The following ADGRL3 variants were observed in gnomAD, a reference collection of about 807,000 sequenced individuals.
ADGRL3 encodes the protein calcium-independent alpha-latrotoxin receptor 3.
In ADGRL3, 62 loss-of-function variants were observed where a neutral mutation model predicts 153.5. The ratio of observed to expected loss-of-function variants is 0.40; its 90% CI spans 0.33 to 0.50. The LOEUF (loss-of-function observed/expected upper bound fraction) is 0.50, where lower values mean the gene tolerates loss of function less well. ADGRL3 is among the 20% of genes least tolerant of loss of function. ADGRL3 has a pLI of 0.47. For synonymous variants in ADGRL3, 710 were observed against 672.5 expected (o/e 1.06, Z -0.86); for missense variants, 1,641 against 1,859.4 (o/e 0.88, Z 2.16).
intron 2 of ADGRL3, among the ~76,000 whole-genome samples, chr4:61,402,578 G>T (rs952142936): frequency 6.6e-6 from 1 of 152,072 alleles, no homozygotes; most frequent in Non-Finnish European, 1.5e-5. Flanking sequence ...CACTTATAGT[G>T]TGGAATAATA....
intron 3 of ADGRL3, among the ~76,000 whole-genome samples, chr4:61,504,670 C>T (rs1391573419): frequency 2.6e-5 from 4 of 152,144 alleles, no homozygotes; most frequent in African/African-American, 7.2e-5. Context: ...CACTAATCTT[C>T]CCATCCTCTG....
At chr4:61,867,505 A>T (rs796704156) in intron 9 of ADGRL3, among the ~76,000 whole-genome samples, 1 of 35,716 alleles carries the variant, frequency 2.8e-5, no homozygotes, top group African/African-American at 7.7e-5. Flanking sequence ...GTCTCAAAAA[A>T]ATATATATGC....
intron 2 of ADGRL3, chr4:61,425,412 C>T (rs1006154855): frequency 6.6e-6 from 1 of 152,426 alleles, no homozygotes; most frequent in Non-Finnish European, 1.5e-5. Flanking sequence ...CCGTCCATAG[C>T]TGCTGCTGGA....
At chr4:61,634,067 G>C (rs1037153247) in intron 5 of ADGRL3, among the ~76,000 whole-genome samples, 1 of 152,106 alleles carries the variant, frequency 6.6e-6, no homozygotes, top group Non-Finnish European at 1.5e-5. Flanking sequence ...GCAATTTTGA[G>C]TTTTAAAGTA....
chr4:61,436,734 T>G lies in ADGRL3; in HGVS notation c.-174+53545T>G, dbSNP rs1334976868. ...AAAATACAAAGGTAGAGCAGTCTCC[T>G]TGTAAATGTTGAGGCCAATTTCCTG... On this transcript the variant is annotated intron_variant, in intron 2 of 26. Transcript: ENST00000683033. Among the ~76,000 whole-genome samples the G allele has an allele frequency of 2.0e-5, 3 of 152,160 alleles. No homozygotes were observed. In the East Asian group the frequency reaches 5.8e-4, roughly 29 times the overall value.
chr4:61,979,452 G>C, intron 17 of ADGRL3, 111 bp from the exon 18 acceptor site: 1 of 836,108 alleles, frequency 1.2e-6, no homozygotes, highest in Admixed American at 1.8e-5. Context: ...TGTGGGTATA[G>C]AGGGTATTTT....
rs1745549767 is a variant in ADGRL3, at chr4:62,071,164, A to C, written c.*256A>C. 24 of 368,300 alleles carry C rather than the reference A, an allele frequency of 6.5e-5. No homozygotes were observed. The South Asian group carries it at 1.5e-3, about 23-fold the overall frequency. The allele number at this position is 368,300 out of a possible 1,614,324, so 22.8% of individuals were successfully genotyped here. ...TTCAGATGGAGACTTCATTATGTTAATGAACAAGATATGAAGAAAATGGCA... is the reference window on the plus strand; with the variant it reads ...TTCAGATGGAGACTTCATTATGTTACTGAACAAGATATGAAGAAAATGGCA... On this transcript the variant is annotated 3_prime_UTR_variant, in exon 27 of 27. Coordinates refer to ENST00000683033, the MANE Select transcript of ADGRL3 (RefSeq NM_001387552.1).
intron 9 of ADGRL3, among the ~76,000 whole-genome samples, chr4:61,846,948 ATGTGTG>A (rs72301670): frequency 4.1e-5 from 6 of 145,912 alleles, no homozygotes; most frequent in East Asian, 4.1e-4. Flanking sequence ...TTTATATATT[ATGTGTG>A]TGTGTGTGTG....
At chr4:61,325,736 A>G (rs1008243543) in intron 1 of ADGRL3, among the ~76,000 whole-genome samples, 3 of 152,170 alleles carry the variant, frequency 2.0e-5, no homozygotes, top group Non-Finnish European at 4.4e-5. Context: ...GTTACAGAAG[A>G]TATAAAATAA....
rs1734964820 is a variant in ADGRL3 at position 61,202,124 on chromosome 4, GC to G, written c.-240+360del. On this transcript the variant is annotated intron_variant, in intron 1 of 26. Transcript: ENST00000683033. The surrounding 1 kb of genome is among the most constrained non-coding windows in gnomAD (Gnocchi z 5.0). ...TTTTCCCTCTCCTCTCACCCCAGTG[GC>G]ATCCCCTGGTGGGGGCAGAAAGCGG... The G allele has an allele frequency of 1.3e-5, 2 of 152,690 alleles. No individual in the cohort carries two copies. The highest frequency in any genetic ancestry group is 4.8e-5 in the African/African-American group (2 of 41,460). 9.5% of individuals were successfully genotyped at this position (152,690 alleles called of 1,614,324 possible).
chr4:61,660,495 A>G (rs1413908595), intron 5 of ADGRL3, among the ~76,000 whole-genome samples: 2 of 152,066 alleles, frequency 1.3e-5, no homozygotes, highest in Non-Finnish European at 2.9e-5. Flanking sequence ...TTTAGTCATT[A>G]TTTATTTGCA....
At chr4:61,378,934 G>A (rs539516943) in intron 1 of ADGRL3, among the ~76,000 whole-genome samples, 2 of 151,960 alleles carry the variant, frequency 1.3e-5, no homozygotes, top group African/African-American at 2.4e-5. Context: ...AATTGTCTTG[G>A]ACTTTTGCCT....
chr4:61,348,356 G>GA (rs936534090), intron 1 of ADGRL3, among the ~76,000 whole-genome samples: 1 of 151,894 alleles, frequency 6.6e-6, no homozygotes, highest in Admixed American at 6.6e-5. Context: ...CTTTATTTAA[G>GA]AAAAAAATCA....
At chr4:61,549,829 A>G (rs769965188) in intron 4 of ADGRL3, among the ~76,000 whole-genome samples, 9 of 151,980 alleles carry the variant, frequency 5.9e-5, no homozygotes, top group South Asian at 2.1e-4. Flanking sequence ...TCTGAATCCG[A>G]TGATTAATAA....
intron 4 of ADGRL3, among the ~76,000 whole-genome samples, chr4:61,577,682 G>A (rs114890513): frequency 0.011 from 1,662 of 151,614 alleles, 29 homozygotes; most frequent in African/African-American, 0.038. Flanking sequence ...GCATGGTGGC[G>A]CATGGCTGTA....
At chr4:61,803,406 A>G (rs2097522599) in intron 8 of ADGRL3, among the ~76,000 whole-genome samples, 1 of 152,120 alleles carries the variant, frequency 6.6e-6, no homozygotes, top group Non-Finnish European at 1.5e-5. Context: ...GGTCTGATTT[A>G]ATACATAAAT....
intron 2 of ADGRL3, among the ~76,000 whole-genome samples, chr4:61,390,462 T>A (rs2096789754): frequency 6.6e-6 from 1 of 152,156 alleles, no homozygotes; most frequent in South Asian, 2.1e-4. Context: ...TATAGATCGG[T>A]GTTTTGTGTC....
chr4:61,444,855 C>T (rs1263081708), intron 2 of ADGRL3, among the ~76,000 whole-genome samples: 1 of 152,018 alleles, frequency 6.6e-6, no homozygotes. Context: ...GGGTTCCAGA[C>T]CAGCCTGGGC....
chr4:61,994,946 T>C (rs570964411), intron 19 of ADGRL3, among the ~76,000 whole-genome samples: 13 of 151,142 alleles, frequency 8.6e-5, no homozygotes, highest in Non-Finnish European at 1.8e-4. Flanking sequence ...AGGGTCTCAC[T>C]CTGTCACCCA....
Sources: gnomAD v4.1 joint callset for allele counts (sites outside exome capture counted in the v4.1 genomes callset) on GRCh38, gnomAD v4.1.1 for gene constraint, Gnocchi (gnomAD v3.1) non-coding constraint, MANE v1.5 for transcripts, NCBI Gene and HGNC (gene_info 2026-07-23, HGNC 2026-07-21) for gene names.